The following WWTR1 variants were observed in gnomAD, a reference collection of about 807,000 sequenced individuals.
WWTR1 encodes WW domain-containing transcription regulator protein 1.
In WWTR1, 13 loss-of-function variants were observed where a neutral mutation model predicts 40.1. The observed-to-expected ratio is 0.32, with a 90% CI of 0.21 to 0.52. WWTR1 has a LOEUF of 0.52. WWTR1 is among the 20% of genes least tolerant of loss of function. The probability of loss-of-function intolerance (pLI) is 0.97; values close to 1 mark genes in which losing one functional copy is unlikely to be tolerated. For synonymous variants in WWTR1, 230 were observed against 210.1 expected, an observed-to-expected ratio of 1.09 and a Z score of -0.82; for missense variants, 436 against 523.1, an observed-to-expected ratio of 0.83 and a Z score of 1.63.
chr3:149,691,373 A>C (rs1714822008), intron 1 of WWTR1, among the ~76,000 whole-genome samples: 1 of 151,860 alleles, frequency 6.6e-6, no homozygotes, highest in African/African-American at 2.4e-5. Context: ...ATAAAATGAA[A>C]ATTTCTTTTT....
intron 2 of WWTR1, among the ~76,000 whole-genome samples, chr3:149,601,627 C>A (rs1235339795): frequency 1.3e-5 from 2 of 152,148 alleles, no homozygotes; most frequent in Non-Finnish European, 2.9e-5. Flanking sequence ...CCTAAAAAAC[C>A]CAAAACTAAT....
chr3:149,527,750 C>T (rs1735388006), intron 5 of WWTR1, 86 bp downstream of exon 5: 3 of 1,589,064 alleles, frequency 1.9e-6, no homozygotes, highest in Non-Finnish European at 1.7e-6. Flanking sequence ...CTCCCCACCT[C>T]TTCCCAATGT....
intron 4 of WWTR1, among the ~76,000 whole-genome samples, chr3:149,541,801 C>A (rs539329836): frequency 6.6e-6 from 1 of 152,128 alleles, no homozygotes; most frequent in Admixed American, 6.5e-5. Flanking sequence ...GCTTTTGTTC[C>A]AGCTTAGCCC....
chr3:149,626,035 G>T (rs1740529743), intron 2 of WWTR1, among the ~76,000 whole-genome samples: 1 of 152,140 alleles, frequency 6.6e-6, no homozygotes. Flanking sequence ...AGCAATGAGT[G>T]TGCTACAACC....
intron 3 of WWTR1, among the ~76,000 whole-genome samples, chr3:149,562,337 A>G (rs546448364): frequency 6.6e-6 from 1 of 152,132 alleles, no homozygotes; most frequent in African/African-American, 2.4e-5. Context: ...TGCTCATGGT[A>G]TATTAAAAAC....
In WWTR1 at chr3:149,552,816, C is replaced by T. The variant is rs545293452; in HGVS notation, c.569-10279G>A. ...GAATCCTTCTCCAGAGCCAAGTGTA[C>T]GGCTTGAAGCAGAGGCTATCCTTAT... On this transcript the variant is annotated intron_variant, in intron 3 of 6. Transcript: ENST00000360632. 3.9e-5 allele frequency among the ~76,000 whole-genome samples: 6 copies of T among 152,282 alleles called. No individual in the cohort carries two copies. The South Asian group carries it at 6.2e-4, about 16-fold the overall frequency.
chr3:149,701,595 T>C (rs1715175817), intron 1 of WWTR1: 1 of 178,454 alleles, frequency 5.6e-6, no homozygotes, highest in African/African-American at 2.4e-5. Flanking sequence ...CATGATAAAA[T>C]ATTTTTTTCA....
chr3:149,565,687 G>A (rs1258823029), intron 3 of WWTR1, among the ~76,000 whole-genome samples: 5 of 151,976 alleles, frequency 3.3e-5, no homozygotes, highest in Admixed American at 1.3e-4. Flanking sequence ...TGAGGTGGGC[G>A]GATCACCTGA....
intron 2 of WWTR1, among the ~76,000 whole-genome samples, chr3:149,604,595 A>C (rs1018955186): frequency 6.6e-5 from 10 of 152,208 alleles, no homozygotes; most frequent in African/African-American, 2.4e-4. Flanking sequence ...GGGCTGCCTT[A>C]ATCCCTAGTC....
chr3:149,670,569 G>C (rs1266417434), intron 1 of WWTR1, among the ~76,000 whole-genome samples: 1 of 151,440 alleles, frequency 6.6e-6, no homozygotes, highest in Non-Finnish European at 1.5e-5. Flanking sequence ...GCGTGAACCC[G>C]GGAGGCGGAG....
At chr3:149,592,303 A>C (rs550222520) in intron 2 of WWTR1, among the ~76,000 whole-genome samples, 3 of 152,354 alleles carry the variant, frequency 2.0e-5, no homozygotes, top group African/African-American at 7.2e-5. Context: ...CCTATAGAAT[A>C]CATTTTAAGA....
rs1257077313 is a variant in WWTR1, at chr3:149,657,299, G to A, written c.8C>T (p.Pro3Leu). The change falls in exon 2 of 7, where the codon CCG (proline) becomes CTG (leucine). Residue 3 changes from proline (P) to leucine (L), a missense_variant. Pro to Leu is a moderately conservative substitution (Grantham distance 98, BLOSUM62 -3). Transcript: ENST00000360632. Reference sequence around the variant, plus strand: ...CGGGAGCGGAGGGGGCGCCGAGGCCGGATTCATCTTCTGCAAAAAGAAGGT... The same window carrying A: ...CGGGAGCGGAGGGGGCGCCGAGGCCAGATTCATCTTCTGCAAAAAGAAGGT... MN[P>L]ASAPPPLPPP... 1 of 1,609,590 alleles carries A rather than the reference G, an allele frequency of 6.2e-7. No homozygotes were observed. The highest frequency in any genetic ancestry group is 8.5e-7 in the Non-Finnish European group (1 of 1,177,906).
At chr3:149,696,428 C>A (rs938095954) in intron 1 of WWTR1, among the ~76,000 whole-genome samples, 6 of 152,198 alleles carry the variant, frequency 3.9e-5, no homozygotes, top group Non-Finnish European at 7.3e-5. Flanking sequence ...CTTATGATGA[C>A]CTTACAAGGT....
rs908091691 is a variant in WWTR1, at chr3:149,562,476, T to C, written c.568+10388A>G. Among the ~76,000 whole-genome samples, 9 of 152,278 alleles carry C rather than the reference T, an allele frequency of 5.9e-5. No individual in the cohort carries two copies. The East Asian group carries it at 1.7e-3, about 29-fold the overall frequency. On this transcript the variant is annotated intron_variant, in intron 3 of 6. Transcript: ENST00000360632. ...ACCATGGCTTTTTATTTTCTCATGT[T>C]TTGCCAATCAGCATTTTCTACAGTG...
intron 2 of WWTR1, among the ~76,000 whole-genome samples, chr3:149,592,522 G>A (rs1000964752): frequency 1.3e-5 from 2 of 152,030 alleles, no homozygotes; most frequent in South Asian, 2.1e-4. Context: ...GCATCCCAAC[G>A]ACAAAGTTCA....
At chr3:149,636,676 A>G (rs1448418144) in intron 2 of WWTR1, among the ~76,000 whole-genome samples, 1 of 152,200 alleles carries the variant, frequency 6.6e-6, no homozygotes, top group Non-Finnish European at 1.5e-5. Flanking sequence ...ATTGCATAGG[A>G]AAGAGTCACC....
chr3:149,565,186 C>T (rs1163528438), intron 3 of WWTR1, among the ~76,000 whole-genome samples: 1 of 151,988 alleles, frequency 6.6e-6, no homozygotes, highest in Non-Finnish European at 1.5e-5. Context: ...GATTGCATCT[C>T]AGAAAATAAA....
At chr3:149,699,508 G>T (rs1342048055) in intron 1 of WWTR1, among the ~76,000 whole-genome samples, 1 of 152,010 alleles carries the variant, frequency 6.6e-6, no homozygotes, top group African/African-American at 2.4e-5. Flanking sequence ...GGTCAGGCTG[G>T]TCTTGAACTC....
intron 4 of WWTR1, among the ~76,000 whole-genome samples, 158 bp from the exon 5 acceptor site, chr3:149,528,127 A>G (rs751282793): frequency 3.9e-5 from 6 of 152,262 alleles, no homozygotes; most frequent in Admixed American, 1.3e-4. Flanking sequence ...CTTTCTCCGA[A>G]GAAAGTCTTA....
Sources: allele counts gnomAD v4.1 joint callset (sites outside exome capture counted in the v4.1 genomes callset), GRCh38; gene constraint gnomAD v4.1.1; transcripts MANE v1.5; gene names NCBI Gene and HGNC (gene_info 2026-07-23, HGNC 2026-07-21).